Variants in KIRREL3 observed in about 807,000 individuals in gnomAD.
KIRREL3 encodes the protein kin of IRRE-like protein 3.
Under a neutral mutation model 89.7 loss-of-function variants are expected in KIRREL3, and 36 were observed. The observed-to-expected ratio is 0.40, with a 90% CI of 0.31 to 0.53. The LOEUF is 0.53. Ranked by LOEUF, KIRREL3 falls within the 20% of genes least tolerant of loss-of-function variation. KIRREL3 has a pLI of 0.49. For missense variants in KIRREL3, 864 were observed against 1,056.6 expected, an observed-to-expected ratio of 0.82 and a Z score of 2.53; for synonymous variants, 445 against 441.4, an observed-to-expected ratio of 1.01 and a Z score of -0.10.
At chr11:126,536,642 C>CTTTTTT (rs145142970) in intron 2 of KIRREL3, among the ~76,000 whole-genome samples, 3 of 77,166 alleles carry the variant, frequency 3.9e-5, no homozygotes, top group African/African-American at 5.7e-5. Context: ...CTGGGCAATG[C>CTTTTTT]TTTTTTTTTT....
rs1190145205 is a variant in KIRREL3 at position 126,485,744 on chromosome 11, C to A, written c.434-12278G>T. Among the ~76,000 whole-genome samples the A allele has an allele frequency of 6.6e-6, 1 of 152,246 alleles. No homozygotes were observed. The highest frequency in any genetic ancestry group is 1.5e-5 in the Non-Finnish European group (1 of 68,038). On this transcript the variant is annotated intron_variant, in intron 4 of 16. Coordinates refer to ENST00000525144, the MANE Select transcript of KIRREL3 (RefSeq NM_032531.4). This position sits in a 1 kb window ranked among gnomAD's most constrained non-coding sequence, Gnocchi z 5.8. The stretch of plus-strand genomic sequence containing the variant: ...CTCTTGTTCTGCTATTACCTTGTTC[C>A]ATGCCCAGCCCTGGACTCCTGAGAT...
rs1193046805 is a variant in KIRREL3 at position 126,978,187 on chromosome 11, T to G, written c.55+22268A>C. ...TGCAGGGCATGCAGGTAATCAATTA[T>G]GCGATTCTTTCAGGGTTGCTTCTGC... On this transcript the variant is annotated intron_variant, in intron 1 of 16. Coordinates refer to ENST00000525144, the MANE Select transcript of KIRREL3 (RefSeq NM_032531.4). This position sits in a 1 kb window ranked among gnomAD's most constrained non-coding sequence, Gnocchi z 4.2. Among the ~76,000 whole-genome samples, 1 of 152,366 alleles carries G rather than the reference T, an allele frequency of 6.6e-6. No individual in the cohort carries two copies. Among genetic ancestry groups the G allele is most frequent in the East Asian group, 1.9e-4 (1 of 5,190 alleles).
At position 126,455,096 on chromosome 11, in the gene KIRREL3, C is replaced by T. The variant is rs1470694721; in HGVS notation, c.848+1253G>A. On this transcript the variant is annotated intron_variant, in intron 7 of 16. Coordinates refer to ENST00000525144, the MANE Select transcript of KIRREL3 (RefSeq NM_032531.4). This position sits in a 1 kb window ranked among gnomAD's most constrained non-coding sequence, Gnocchi z 6.4. ...CCCACAGGCCGGCTTATTTCCTAGG[C>T]TGGCACCATTAACATCCTTGGCCTT... Among the ~76,000 whole-genome samples the T allele has an allele frequency of 6.6e-6, 1 of 152,224 alleles. No homozygotes were observed. Among genetic ancestry groups the T allele is most frequent in the Non-Finnish European group, 1.5e-5 (1 of 68,046 alleles).
At chr11:126,865,707 A>G (rs949175913) in intron 1 of KIRREL3, among the ~76,000 whole-genome samples, 4 of 152,218 alleles carry the variant, frequency 2.6e-5, no homozygotes, top group African/African-American at 7.2e-5. Context: ...GTTTCTGTCT[A>G]TTTTGAATTT....
In KIRREL3 at chr11:126,981,719, G is replaced by C. The variant is rs1234565840; in HGVS notation, c.55+18736C>G. On this transcript the variant is annotated intron_variant, in intron 1 of 16. Coordinates refer to ENST00000525144, the MANE Select transcript of KIRREL3 (RefSeq NM_032531.4). The surrounding 1 kb of genome is among the most constrained non-coding windows in gnomAD (Gnocchi z 4.2). ...CCCCATCCTTGGAGTAGGTTCCTGAGCTTGGTGCCTGGGGAACTGGGGAAG... is the reference window on the plus strand; with the variant it reads ...CCCCATCCTTGGAGTAGGTTCCTGACCTTGGTGCCTGGGGAACTGGGGAAG... Among the ~76,000 whole-genome samples, 1 of 152,148 alleles carries C rather than the reference G, an allele frequency of 6.6e-6. No homozygotes were observed. The highest frequency in any genetic ancestry group is 1.5e-5 in the Non-Finnish European group (1 of 68,014).
At chr11:126,633,850 G>A (rs1387707947) in intron 1 of KIRREL3, among the ~76,000 whole-genome samples, 2 of 152,208 alleles carry the variant, frequency 1.3e-5, no homozygotes, top group Admixed American at 1.3e-4. Flanking sequence ...TACTGGCAAC[G>A]TATCTACAGT....
At chr11:126,832,335 G>A (rs148156239) in intron 1 of KIRREL3, among the ~76,000 whole-genome samples, 31 of 152,234 alleles carry the variant, frequency 2.0e-4, no homozygotes, top group African/African-American at 7.2e-4. Flanking sequence ...CGCTCACAAT[G>A]ATTACACGCC....
At chr11:126,661,814 A>C (rs1945416188) in intron 1 of KIRREL3, among the ~76,000 whole-genome samples, 2 of 152,182 alleles carry the variant, frequency 1.3e-5, no homozygotes, top group Non-Finnish European at 2.9e-5. Flanking sequence ...AAAATCACCT[A>C]GGAGATTTTA....
intron 1 of KIRREL3, among the ~76,000 whole-genome samples, chr11:126,655,000 G>A (rs1034883531): frequency 1.2e-4 from 19 of 152,256 alleles, no homozygotes; most frequent in Non-Finnish European, 2.1e-4. Context: ...TTACATAGGA[G>A]GAAGGAAGAC....
rs1289433947 is a variant in KIRREL3 at position 126,623,469 on chromosome 11, C to T, written c.56-60557G>A. Among the ~76,000 whole-genome samples the T allele has an allele frequency of 2.0e-5, 3 of 152,108 alleles. No individual in the cohort carries two copies. The highest frequency in any genetic ancestry group is 7.2e-5 in the African/African-American group (3 of 41,408). On this transcript the variant is annotated intron_variant, in intron 1 of 16. Coordinates refer to ENST00000525144, the MANE Select transcript of KIRREL3 (RefSeq NM_032531.4). This position sits in a 1 kb window ranked among gnomAD's most constrained non-coding sequence, Gnocchi z 4.1. ...TGAAGGAAGGAACTATGTTGGTATTCTGTGATGTACGCGGCTCTGTGTGCT... is the reference window on the plus strand; with the variant it reads ...TGAAGGAAGGAACTATGTTGGTATTTTGTGATGTACGCGGCTCTGTGTGCT...
rs1939210504 is a variant in KIRREL3, at chr11:126,550,934, C to T, written c.133+11901G>A. On this transcript the variant is annotated intron_variant, in intron 2 of 16. Transcript: ENST00000525144. The surrounding 1 kb of genome is among the most constrained non-coding windows in gnomAD (Gnocchi z 4.9). ...GGGGCTCAGTCCCCAAGACTTCCCC[C>T]ACACCCTGGCACCTGTCACAAGTTC... 6.6e-6 allele frequency among the ~76,000 whole-genome samples: 1 copy of T among 152,194 alleles called. No homozygotes were observed.
intron 1 of KIRREL3, among the ~76,000 whole-genome samples, chr11:126,603,949 G>T (rs940741866): frequency 5.2e-4 from 79 of 152,158 alleles, no homozygotes; most frequent in African/African-American, 1.7e-3. Flanking sequence ...CCATCTTTAA[G>T]AGGAACCAGG....
chr11:126,445,169 A>T, intron 9 of KIRREL3, 64 bp from the exon 10 acceptor site: 1 of 1,585,752 alleles, frequency 6.3e-7, no homozygotes, highest in Admixed American at 1.7e-5. Flanking sequence ...GTCTCTGGGA[A>T]CAAGGCAGCT....
chr11:126,472,957 C>CTCCTCTTAGG (rs1956942936), intron 5 of KIRREL3, among the ~76,000 whole-genome samples: 1 of 110,992 alleles, frequency 9.0e-6, no homozygotes, highest in Non-Finnish European at 1.9e-5. Context: ...CCCAGCCCCT[C>CTCCTCTTAGG]CCCAGCAGCC....
At position 126,764,997 on chromosome 11, in the gene KIRREL3, T is replaced by C. The variant is rs1203224096; in HGVS notation, c.56-202085A>G. Reference sequence around the variant, plus strand: ...TTTGAGGGTACAAATAGTATACAGGTCAAAAAGTAAAAGGTATCAGCTTAG... The same window carrying C: ...TTTGAGGGTACAAATAGTATACAGGCCAAAAAGTAAAAGGTATCAGCTTAG... On this transcript the variant is annotated intron_variant, in intron 1 of 16. Coordinates refer to ENST00000525144, the MANE Select transcript of KIRREL3 (RefSeq NM_032531.4). The surrounding 1 kb of genome is among the most constrained non-coding windows in gnomAD (Gnocchi z 4.2). 6.6e-6 allele frequency among the ~76,000 whole-genome samples: 1 copy of C among 152,102 alleles called. No homozygotes were observed. Among genetic ancestry groups the C allele is most frequent in the African/African-American group, 2.4e-5 (1 of 41,400 alleles).
Position 126,677,658 on chromosome 11 carries a change from G to A in KIRREL3, c.56-114746C>T, listed in dbSNP as rs1363006943. On this transcript the variant is annotated intron_variant, in intron 1 of 16. Coordinates refer to ENST00000525144, the MANE Select transcript of KIRREL3 (RefSeq NM_032531.4). This position sits in a 1 kb window ranked among gnomAD's most constrained non-coding sequence, Gnocchi z 5.1. ...GTGCTGAAGCAGGGCTGGGATGGGGGTGTGAAGACAGAAAATCCACCAGCA... is the reference window on the plus strand; with the variant it reads ...GTGCTGAAGCAGGGCTGGGATGGGGATGTGAAGACAGAAAATCCACCAGCA... 6.6e-6 allele frequency among the ~76,000 whole-genome samples: 1 copy of A among 152,162 alleles called. No homozygotes were observed. Among genetic ancestry groups the A allele is most frequent in the African/African-American group, 2.4e-5 (1 of 41,444 alleles).
At chr11:126,567,753 A>G (rs1940622111) in intron 1 of KIRREL3, among the ~76,000 whole-genome samples, 1 of 150,264 alleles carries the variant, frequency 6.7e-6, no homozygotes, top group Non-Finnish European at 1.5e-5. Flanking sequence ...CTGGGATGCC[A>G]TTAGCATTCC....
chr11:126,877,012 T>C lies in KIRREL3; in HGVS notation c.55+123443A>G, dbSNP rs769061545. Among the ~76,000 whole-genome samples, 1 of 152,052 alleles carries C rather than the reference T, an allele frequency of 6.6e-6. No homozygotes were observed. The highest frequency in any genetic ancestry group is 6.6e-5 in the Admixed American group (1 of 15,264). On this transcript the variant is annotated intron_variant, in intron 1 of 16. Coordinates refer to ENST00000525144, the MANE Select transcript of KIRREL3 (RefSeq NM_032531.4). The surrounding 1 kb of genome is among the most constrained non-coding windows in gnomAD (Gnocchi z 4.9). ...AAAGGAACAACAGATAAGGAAGAGG[T>C]GCAAGCTGCTGAGGTCTGCATAAGA...
In KIRREL3 at chr11:126,981,431, A is replaced by T. The variant is rs1165967710; in HGVS notation, c.55+19024T>A. On this transcript the variant is annotated intron_variant, in intron 1 of 16. Coordinates refer to ENST00000525144, the MANE Select transcript of KIRREL3 (RefSeq NM_032531.4). The surrounding 1 kb of genome is among the most constrained non-coding windows in gnomAD (Gnocchi z 4.2). Reference sequence around the variant, plus strand: ...ATTATTCTGGAGGAAAATGCTCAGGAGGTGTTATATGTGGTGTAGCTTAGG... The same window carrying T: ...ATTATTCTGGAGGAAAATGCTCAGGTGGTGTTATATGTGGTGTAGCTTAGG... 1.3e-5 allele frequency among the ~76,000 whole-genome samples: 2 copies of T among 152,060 alleles called. No individual in the cohort carries two copies. The highest frequency in any genetic ancestry group is 4.8e-5 in the African/African-American group (2 of 41,382).
Sources: gnomAD v4.1 joint callset for allele counts (sites outside exome capture counted in the v4.1 genomes callset) on GRCh38, gnomAD v4.1.1 for gene constraint, Gnocchi (gnomAD v3.1) non-coding constraint, MANE v1.5 for transcripts, NCBI Gene and HGNC (gene_info 2026-07-23, HGNC 2026-07-21) for gene names.